Variants in PPFIA2 observed in about 807,000 individuals in gnomAD.
The protein encoded by PPFIA2 is PPFI scaffold protein A2.
A neutral mutation model predicts 175.5 loss-of-function variants in PPFIA2; 46 were observed. That is an observed-to-expected ratio of 0.26 (90% CI 0.21 to 0.34). The LOEUF is 0.34. Among genes scored for constraint, PPFIA2 ranks in the 10% least tolerant of loss-of-function variants. The pLI, the probability that PPFIA2 is intolerant of heterozygous loss-of-function variation, is 1.00. For missense variants in PPFIA2, 1,179 were observed against 1,506.1 expected (o/e 0.78, Z 3.60); for synonymous variants, 568 against 511.4 (o/e 1.11, Z -1.49).
At chr12:81,737,915 A>AG (rs2153649632) in intron 3 of PPFIA2, among the ~76,000 whole-genome samples, 1 of 151,976 alleles carries the variant, frequency 6.6e-6, no homozygotes, top group South Asian at 2.1e-4. Flanking sequence ...TTCCAAAATG[A>AG]GGGGGGAAAC....
intron 21 of PPFIA2, 37 bp downstream of exon 21, chr12:81,339,143 G>C: frequency 6.8e-7 from 1 of 1,478,342 alleles, no homozygotes; most frequent in Non-Finnish European, 9.0e-7. Flanking sequence ...TGACTAAAAT[G>C]AGTGGCAGTG....
In PPFIA2 at chr12:81,580,853, T is replaced by G. The variant is rs185217412; in HGVS notation, c.303+95938A>C. Among the ~76,000 whole-genome samples, 1,032 of 151,966 alleles carry G rather than the reference T, an allele frequency of 6.8e-3. 4 individuals carry two copies. Among genetic ancestry groups the G allele is most frequent in the Non-Finnish European group, 0.01 (686 of 67,902 alleles). On this transcript the variant is annotated intron_variant, in intron 4 of 32. Coordinates refer to ENST00000549396, the MANE Select transcript of PPFIA2 (RefSeq NM_003625.5). ...ACATTTATTGAACACCCACAATTTG[T>G]TCACCTAAAAAAGTGTATTTTTTTC...
At chr12:81,647,139 A>T (rs2066229866) in intron 4 of PPFIA2, among the ~76,000 whole-genome samples, 1 of 152,170 alleles carries the variant, frequency 6.6e-6, no homozygotes, top group South Asian at 2.1e-4. Flanking sequence ...AGAATCAAAT[A>T]CAAATACCAG....
intron 7 of PPFIA2, among the ~76,000 whole-genome samples, chr12:81,424,040 G>T: frequency 6.6e-6 from 1 of 151,842 alleles, no homozygotes; most frequent in South Asian, 2.1e-4. Context: ...TAATCAAAGT[G>T]GTAAAAAACT....
At chr12:81,640,667 C>T in intron 4 of PPFIA2, among the ~76,000 whole-genome samples, 1 of 151,800 alleles carries the variant, frequency 6.6e-6, no homozygotes, top group East Asian at 2.0e-4. Context: ...GAATTAATTT[C>T]AAGCGAGTTT....
chr12:81,367,007 A>C, intron 14 of PPFIA2, 101 bp downstream of exon 14: 1 of 1,232,892 alleles, frequency 8.1e-7, no homozygotes, highest in South Asian at 1.7e-5. Context: ...AAGATAGCAT[A>C]CTAAAATTAT....
intron 10 of PPFIA2, 131 bp downstream of exon 10, chr12:81,375,665 C>G (rs973952719): frequency 1.3e-5 from 12 of 927,146 alleles, no homozygotes; most frequent in Non-Finnish European, 2.0e-5. Flanking sequence ...ATTTGTTTTG[C>G]TAGAGAATTT....
chr12:81,355,009 C>T (rs2060655883), intron 16 of PPFIA2, among the ~76,000 whole-genome samples: 1 of 152,096 alleles, frequency 6.6e-6, no homozygotes, highest in African/African-American at 2.4e-5. Context: ...AATGATGAAT[C>T]GTTTCCAGAA....
chr12:81,579,191 G>A (rs1001282492), intron 4 of PPFIA2, among the ~76,000 whole-genome samples: 1 of 151,618 alleles, frequency 6.6e-6, no homozygotes, highest in African/African-American at 2.4e-5. Flanking sequence ...ACTCATAATA[G>A]GCCTTATTAT....
chr12:81,464,503 T>G (rs2055219110), intron 4 of PPFIA2, among the ~76,000 whole-genome samples: 1 of 152,148 alleles, frequency 6.6e-6, no homozygotes, highest in East Asian at 1.9e-4. Flanking sequence ...AAGGATGAGC[T>G]TGAGTAATTC....
At chr12:81,520,438 G>A (rs138908432) in intron 4 of PPFIA2, among the ~76,000 whole-genome samples, 28 of 152,280 alleles carry the variant, frequency 1.8e-4, no homozygotes, top group African/African-American at 5.1e-4. Context: ...TTAGGTAACC[G>A]AAACCACAAT....
At chr12:81,657,276 C>T (rs1209571164) in intron 4 of PPFIA2, among the ~76,000 whole-genome samples, 1 of 152,160 alleles carries the variant, frequency 6.6e-6, no homozygotes, top group Non-Finnish European at 1.5e-5. Flanking sequence ...CAATTTCCTA[C>T]AAAGCCAAAG....
chr12:81,560,294 G>C (rs2069774094), intron 4 of PPFIA2, among the ~76,000 whole-genome samples: 1 of 151,854 alleles, frequency 6.6e-6, no homozygotes, highest in Non-Finnish European at 1.5e-5. Context: ...GAGAGCTAGA[G>C]AGAGAGACAG....
chr12:81,439,809 A>G (rs1022816359), intron 7 of PPFIA2, 163 bp downstream of exon 7: 1 of 637,816 alleles, frequency 1.6e-6, no homozygotes, highest in Non-Finnish European at 2.6e-6. Context: ...ACCAAAAATC[A>G]GAAAACAAGA....
At chr12:81,571,456 T>C (rs2072529587) in intron 4 of PPFIA2, among the ~76,000 whole-genome samples, 1 of 152,092 alleles carries the variant, frequency 6.6e-6, no homozygotes, top group South Asian at 2.1e-4. Context: ...GAAGAGTCTA[T>C]TATACTGGTT....
chr12:81,705,914 C>G (rs2077079718), intron 3 of PPFIA2, among the ~76,000 whole-genome samples: 1 of 152,148 alleles, frequency 6.6e-6, no homozygotes, highest in Non-Finnish European at 1.5e-5. Context: ...CTACTAGTCA[C>G]AGATAGGTAT....
At chr12:81,461,334 C>T (rs1406458535) in intron 4 of PPFIA2, among the ~76,000 whole-genome samples, 4 of 152,030 alleles carry the variant, frequency 2.6e-5, no homozygotes, top group African/African-American at 7.2e-5. Context: ...GATTCTAAAA[C>T]GTTTAGATTT....
intron 4 of PPFIA2, among the ~76,000 whole-genome samples, chr12:81,535,935 C>T (rs539278368): frequency 2.9e-4 from 44 of 151,694 alleles, no homozygotes; most frequent in Non-Finnish European, 5.9e-4. Flanking sequence ...AAGGTAACAT[C>T]TAGGAAGAAA....
intron 22 of PPFIA2, among the ~76,000 whole-genome samples, chr12:81,324,036 T>C (rs574643306): frequency 2.8e-4 from 43 of 152,168 alleles, no homozygotes; most frequent in Non-Finnish European, 5.2e-4. Flanking sequence ...TTCTTAATAT[T>C]CTTCTTAATA....
Sources: gnomAD v4.1 joint callset for allele counts (sites outside exome capture counted in the v4.1 genomes callset) on GRCh38, gnomAD v4.1.1 for gene constraint, MANE v1.5 for transcripts, NCBI Gene and HGNC (gene_info 2026-07-23, HGNC 2026-07-21) for gene names.